PCGF3: variants seen among roughly 807,000 people sequenced by gnomAD.
The protein encoded by PCGF3 is polycomb group ring finger 3.
Under a neutral mutation model 33.1 loss-of-function variants are expected in PCGF3, and 7 were observed. The observed-to-expected ratio is 0.21, with a 90% CI of 0.12 to 0.40. The LOEUF is 0.40. Ranked by LOEUF, PCGF3 falls within the 10% of genes least tolerant of loss-of-function variation. The pLI, the probability that PCGF3 is intolerant of heterozygous loss-of-function variation, is 1.00. For synonymous variants in PCGF3, 153 were observed against 121.3 expected, an observed-to-expected ratio of 1.26 and a Z score of -1.72; for missense variants, 211 against 313.3, an observed-to-expected ratio of 0.67 and a Z score of 2.46.
chr4:760,775 A>T (rs959629660), intron 8 of PCGF3, among the ~76,000 whole-genome samples: 3 of 152,218 alleles, frequency 2.0e-5, no homozygotes, highest in African/African-American at 4.8e-5. Context: ...GGGACTCCAC[A>T]GTCCCCTTAA....
In PCGF3 at chr4:728,155, C is replaced by T. The variant is rs116331676; in HGVS notation, c.-189-2475C>T. 8.7e-3 allele frequency among the ~76,000 whole-genome samples: 1,328 copies of T among 152,292 alleles called. 19 individuals carry two copies. Among genetic ancestry groups the T allele is most frequent in the African/African-American group, 0.029 (1,193 of 41,542 alleles). Reference sequence around the variant, plus strand: ...GGACGTCACCTGCTTTAGGTGCACCCGGTTTAATAGTGCACGGCCAGCTCC... The same window carrying T: ...GGACGTCACCTGCTTTAGGTGCACCTGGTTTAATAGTGCACGGCCAGCTCC... On this transcript the variant is annotated intron_variant, in intron 1 of 10. Coordinates refer to ENST00000362003, the Ensembl canonical transcript of PCGF3.
exon 11 of PCGF3, chr4:768,389 G>C (rs1038996774): frequency 3.9e-5 from 6 of 152,146 alleles, no homozygotes; most frequent in African/African-American, 1.4e-4. Context: ...TTTCCTTTCT[G>C]TCAACCTCTC....
At chr4:766,909 C>T (rs1426591218) in exon 11 of PCGF3, 5 of 152,308 alleles carry the variant, frequency 3.3e-5, no homozygotes, top group African/African-American at 1.2e-4. Context: ...TTGAGTGCCG[C>T]CGTTTGGTTT....
intron 6 of PCGF3, among the ~76,000 whole-genome samples, 189 bp downstream of exon 6, chr4:737,710 C>CA (rs1465222462): frequency 6.6e-5 from 10 of 152,204 alleles, no homozygotes; most frequent in Admixed American, 5.2e-4. Context: ...GATGCGTAGA[C>CA]ATCTTTTTAC....
exon 1 of PCGF3, chr4:705,867 T>C (rs932509762): frequency 6.6e-6 from 1 of 151,954 alleles, no homozygotes; most frequent in Admixed American, 6.5e-5. Context: ...CGGACGGGCT[T>C]TTTTCTCCTC....
chr4:731,653 C>T (rs1280093550), intron 3 of PCGF3, among the ~76,000 whole-genome samples: 10 of 72,130 alleles, frequency 1.4e-4, no homozygotes, highest in African/African-American at 4.6e-4. Flanking sequence ...GCGGGGCTCC[C>T]CCGCCCCTCG....
chr4:717,022 C>T (rs1742883557), intron 1 of PCGF3, among the ~76,000 whole-genome samples: 1 of 146,554 alleles, frequency 6.8e-6, no homozygotes, highest in Non-Finnish European at 1.5e-5. Context: ...TGTGCTGGGA[C>T]CCTGTAGACA....
chr4:708,770 G>A (rs1031168959), intron 1 of PCGF3, among the ~76,000 whole-genome samples: 3 of 152,108 alleles, frequency 2.0e-5, no homozygotes, highest in Admixed American at 1.3e-4. Flanking sequence ...TCCAGTGTCC[G>A]GGAGACTTGG....
intron 6 of PCGF3, among the ~76,000 whole-genome samples, chr4:740,096 G>C (rs1744021394): frequency 6.6e-6 from 1 of 152,254 alleles, no homozygotes; most frequent in Non-Finnish European, 1.5e-5. Context: ...CTGTGGTGCA[G>C]ACAATTGCAA....
At chr4:764,651 A>G (rs149177760) in intron 9 of PCGF3, 66 of 245,262 alleles carry the variant, frequency 2.7e-4, no homozygotes, top group African/African-American at 1.5e-3. Flanking sequence ...CAGGCCAGAT[A>G]GGGGCGGGAT....
chr4:714,273 G>A (rs920059643), intron 1 of PCGF3, among the ~76,000 whole-genome samples: 3 of 152,196 alleles, frequency 2.0e-5, no homozygotes, highest in Non-Finnish European at 4.4e-5. Flanking sequence ...GGTCGCAGCC[G>A]CCTGAACAGA....
chr4:707,162 C>T (rs1742342898), intron 1 of PCGF3, among the ~76,000 whole-genome samples: 1 of 150,570 alleles, frequency 6.6e-6, no homozygotes, highest in African/African-American at 2.4e-5. Context: ...CCGAGAAGGG[C>T]TGGGACCCCA....
chr4:732,214 C>T (rs1278420208), intron 3 of PCGF3, among the ~76,000 whole-genome samples: 3 of 145,410 alleles, frequency 2.1e-5, no homozygotes, highest in Non-Finnish European at 3.0e-5. Context: ...CGTGGGTGGG[C>T]GTGGTCCTTA....
In PCGF3 at chr4:721,391, T is replaced by C. The variant is rs954360764; in HGVS notation, c.-189-9239T>C. On this transcript the variant is annotated intron_variant, in intron 1 of 10. Transcript: ENST00000362003. The surrounding 1 kb of genome is among the most constrained non-coding windows in gnomAD (Gnocchi z 4.1). ...ATGTGCCCCAGGCATGGGCTTGTGA[T>C]GCCGGCTCTTCCTCCTGGCAGAGCT... 9.2e-5 allele frequency among the ~76,000 whole-genome samples: 14 copies of C among 152,212 alleles called. 3 individuals carry two copies. Among genetic ancestry groups the C allele is most frequent in the Admixed American group, 6.5e-5 (1 of 15,296 alleles).
rs138141279 is a variant in PCGF3 at position 734,869 on chromosome 4, G to A, written c.110-62G>A. ...GAGACGCCCGTGTTCAGTGGAGCAC[G>A]CCGATGGGGTGGGCGCCCTGGCTCT... On this transcript the variant is annotated intron_variant, in intron 4 of 10. Coordinates refer to ENST00000362003, the Ensembl canonical transcript of PCGF3. 1.0e-4 allele frequency: 160 copies of A among 1,572,412 alleles called. No homozygotes were observed. The East Asian group carries it at 2.0e-3, about 20-fold the overall frequency.
At chr4:754,202 C>T (rs1744664035) in intron 8 of PCGF3, among the ~76,000 whole-genome samples, 1 of 152,206 alleles carries the variant, frequency 6.6e-6, no homozygotes, top group Non-Finnish European at 1.5e-5. Context: ...GCTGGGGGTT[C>T]TGGTGTGGGG....
In PCGF3 at chr4:715,965, G is replaced by T. The variant is rs567486159; in HGVS notation, c.-190+9995G>T. 3.6e-4 allele frequency among the ~76,000 whole-genome samples: 40 copies of T among 111,182 alleles called. 3 individuals are homozygous for T. The highest frequency in any genetic ancestry group is 1.2e-3 in the African/African-American group (39 of 31,302). 72.9% of individuals were successfully genotyped at this position (111,182 alleles called of 152,430 possible). ...GGGTGAGAACTGGGCGTCGGTGCTG[G>T]GACCCTGAAGACACTGAGTGTGAGA... On this transcript the variant is annotated intron_variant, in intron 1 of 10. Coordinates refer to ENST00000362003, the Ensembl canonical transcript of PCGF3.
rs186361921 is a variant in PCGF3 at position 721,046 on chromosome 4, C to T, written c.-189-9584C>T. Among the ~76,000 whole-genome samples, 9 of 152,066 alleles carry T rather than the reference C, an allele frequency of 5.9e-5. No individual in the cohort carries two copies. The highest frequency in any genetic ancestry group is 1.0e-4 in the Non-Finnish European group (7 of 67,996). ...GATGGGAGGCATGGAGCAGACGGGA[C>T]TCCACGTGGCACCACCCCTCCCACC... On this transcript the variant is annotated intron_variant, in intron 1 of 10. Coordinates refer to ENST00000362003, the Ensembl canonical transcript of PCGF3. The surrounding 1 kb of genome is among the most constrained non-coding windows in gnomAD (Gnocchi z 4.1).
intron 8 of PCGF3, among the ~76,000 whole-genome samples, chr4:756,553 G>C (rs375086608): frequency 2.6e-5 from 4 of 152,068 alleles, no homozygotes; most frequent in Non-Finnish European, 2.9e-5. Context: ...TTAGTTTCCA[G>C]CTTCATAATT....
Sources: allele counts gnomAD v4.1 joint callset (sites outside exome capture counted in the v4.1 genomes callset), GRCh38; gene constraint gnomAD v4.1.1; non-coding constraint Gnocchi (gnomAD v3.1); transcripts MANE v1.5; gene names NCBI Gene and HGNC (gene_info 2026-07-23, HGNC 2026-07-21).